The following ATXN7 variants were observed in gnomAD, a reference collection of about 807,000 sequenced individuals.
ATXN7 encodes ataxin-7.
ATXN7 carries 12 observed loss-of-function variants against 70.5 expected under a neutral mutation model. The observed-to-expected ratio is 0.17, with a 90% CI of 0.11 to 0.28. The LOEUF is 0.28. Ranked by LOEUF, ATXN7 falls within the 10% of genes least tolerant of loss-of-function variation. ATXN7 has a pLI of 1.00. For missense variants in ATXN7, 1,256 were observed against 1,131.7 expected, an observed-to-expected ratio of 1.11 and a Z score of -1.58; for synonymous variants, 498 against 448.7, an observed-to-expected ratio of 1.11 and a Z score of -1.39.
intron 4 of ATXN7, among the ~76,000 whole-genome samples, chr3:63,936,433 A>G (rs550405198): frequency 2.0e-4 from 30 of 152,298 alleles, no homozygotes; most frequent in Non-Finnish European, 3.7e-4. Flanking sequence ...AGCCAACTGA[A>G]TGCTCCCTTA....
At chr3:63,933,973 G>A (rs1479458166) in intron 4 of ATXN7, among the ~76,000 whole-genome samples, 3 of 151,738 alleles carry the variant, frequency 2.0e-5, no homozygotes, top group Admixed American at 1.3e-4. Flanking sequence ...ATATGACCCT[G>A]GGTTTTCCAA....
chr3:63,995,975 C>A lies in ATXN7; in HGVS notation c.2153C>A (p.Ser718Tyr). 1.2e-6 allele frequency: 2 copies of A among 1,613,550 alleles called. No homozygotes were observed. Among genetic ancestry groups the A allele is most frequent in the Non-Finnish European group, 1.7e-6 (2 of 1,179,628 alleles). ...AGTTCCCCACTGTTGGTTCACTCTTCCTCCTCCTCTTCCTCCTCCTCCTCT... is the reference window on the plus strand; with the variant it reads ...AGTTCCCCACTGTTGGTTCACTCTTACTCCTCCTCTTCCTCCTCCTCCTCT... Reference protein sequence around the residue: ...KNSSPLLVHSSSSSSSSSSSS... With the variant: ...KNSSPLLVHSYSSSSSSSSSS... The change falls in exon 12 of 13, where the codon TCC becomes TAC. Residue 718 changes from serine (S) to tyrosine (Y), a missense_variant. Coordinates refer to ENST00000674280, the MANE Select transcript of ATXN7 (RefSeq NM_001377405.1).
rs1479543715 is a variant in ATXN7, at chr3:63,980,180, A to G, written c.752+13A>G. On this transcript the variant is annotated intron_variant, in intron 6 of 12. Coordinates refer to ENST00000674280, the MANE Select transcript of ATXN7 (RefSeq NM_001377405.1). ...CCCATGGTAGAATGTGAGTATGGCC[A>G]AGAGGGTTTTTAAAGCTTACCTGCT... is the stretch of plus-strand genomic sequence containing the variant. 8 of 1,613,692 alleles carry G rather than the reference A, an allele frequency of 5.0e-6. No individual in the cohort carries two copies. Among genetic ancestry groups the G allele is most frequent in the African/African-American group, 1.3e-5 (1 of 74,896 alleles).
chr3:64,002,188 ATATCC>A lies in ATXN7; in HGVS notation c.*2723_*2727del, dbSNP rs774401009. Reference sequence around the variant, plus strand: ...ATTTTTGCACAGGTCTTTTTTTCTGATATCCTGTTTTGGTACAATTGAGATCATCT... The same window carrying A: ...ATTTTTGCACAGGTCTTTTTTTCTGATGTTTTGGTACAATTGAGATCATCT... On this transcript the variant is annotated 3_prime_UTR_variant, in exon 13 of 13. Coordinates refer to ENST00000674280, the MANE Select transcript of ATXN7 (RefSeq NM_001377405.1). 10 of 152,344 alleles carry A rather than the reference ATATCC, an allele frequency of 6.6e-5. No homozygotes were observed. Among genetic ancestry groups the A allele is most frequent in the African/African-American group, 1.2e-4 (5 of 41,354 alleles). 9.4% of individuals were successfully genotyped at this position (152,344 alleles called of 1,614,324 possible).
In ATXN7 at chr3:64,002,662, T is replaced by C. The variant is rs1032753464; in HGVS notation, c.*3195T>C. The C allele has an allele frequency of 7.2e-5, 11 of 152,200 alleles. No homozygotes were observed. Among genetic ancestry groups the C allele is most frequent in the African/African-American group, 1.4e-4 (6 of 41,448 alleles). 9.4% of individuals were successfully genotyped at this position (152,200 alleles called of 1,614,324 possible). On this transcript the variant is annotated 3_prime_UTR_variant, in exon 13 of 13. Transcript: ENST00000674280. ...AATGTTCAGTTGAACTTTTGGAGTT[T>C]GCTTTTTCCACCTAAATATTGTTTC... is the stretch of plus-strand genomic sequence containing the variant.
At chr3:63,915,965 G>A (rs1367650217) in intron 4 of ATXN7, among the ~76,000 whole-genome samples, 1 of 152,082 alleles carries the variant, frequency 6.6e-6, no homozygotes. Context: ...GGGATTACAG[G>A]CATGAACCAC....
chr3:63,915,389 T>C (rs899549469), intron 4 of ATXN7, among the ~76,000 whole-genome samples: 9 of 152,242 alleles, frequency 5.9e-5, no homozygotes, highest in Admixed American at 1.3e-4. Context: ...TTTGTGACTT[T>C]GCGGATTATG....
intron 4 of ATXN7, among the ~76,000 whole-genome samples, chr3:63,921,728 G>A (rs1437174683): frequency 6.6e-6 from 1 of 152,208 alleles, no homozygotes; most frequent in Non-Finnish European, 1.5e-5. Context: ...CTAAGATCTA[G>A]TAGGTGAGCA....
chr3:63,983,172 G>T, intron 8 of ATXN7, 151 bp downstream of exon 8: 1 of 655,942 alleles, frequency 1.5e-6, no homozygotes, highest in Non-Finnish European at 2.7e-6. Context: ...TGGTTCTGTT[G>T]AAGAAAGCCT....
chr3:63,982,402 A>G lies in ATXN7; in HGVS notation c.969A>G (p.Glu323=). Residue 323 remains glutamate (E), a synonymous_variant, in exon 7 of 13, where the codon GAA becomes GAG. Transcript: ENST00000674280. ...PAPPTLEKKP[E]DNSNNRKFLN... Reference sequence around the variant, plus strand: ...CGCCCACTCTGGAAAAGAAACCTGAAGACAATTCCAATAATAGGAAATTTT... The same window carrying G: ...CGCCCACTCTGGAAAAGAAACCTGAGGACAATTCCAATAATAGGAAATTTT... 2 of 1,612,996 alleles carry G rather than the reference A, an allele frequency of 1.2e-6. No individual in the cohort carries two copies. Among genetic ancestry groups the G allele is most frequent in the Non-Finnish European group, 8.5e-7 (1 of 1,179,044 alleles).
intron 9 of ATXN7, among the ~76,000 whole-genome samples, chr3:63,988,807 T>C (rs1305496054): frequency 2.0e-5 from 3 of 152,240 alleles, no homozygotes; most frequent in East Asian, 3.9e-4. Context: ...AGCACTTTAG[T>C]AGCAGAGTAA....
At chr3:63,960,553 A>G (rs772148907) in intron 5 of ATXN7, among the ~76,000 whole-genome samples, 28 of 152,292 alleles carry the variant, frequency 1.8e-4, no homozygotes, top group Non-Finnish European at 2.6e-4. Context: ...CAGCAGGGGC[A>G]GAGAAGTGTG....
intron 2 of ATXN7, among the ~76,000 whole-genome samples, chr3:63,909,341 G>C (rs1703938886): frequency 6.6e-6 from 1 of 152,176 alleles, no homozygotes. Context: ...CAAGGCAGGA[G>C]GACTGCTTGG....
chr3:63,980,286 A>G (rs562250140), intron 6 of ATXN7, 119 bp downstream of exon 6: 1 of 1,347,578 alleles, frequency 7.4e-7, no homozygotes, highest in African/African-American at 1.5e-5. Context: ...GGAAGAATTC[A>G]AATGTATGTT....
rs775182711 is a variant in ATXN7, at chr3:63,988,268, C to T, written c.1305C>T (p.Ser435=). 26 of 1,613,920 alleles carry T rather than the reference C, an allele frequency of 1.6e-5. No homozygotes were observed. Among genetic ancestry groups the T allele is most frequent in the South Asian group, 4.4e-5 (4 of 91,062 alleles). The change falls in exon 9 of 13, where the codon TCC becomes TCT. Residue 435 remains serine (S), a synonymous_variant. Coordinates refer to ENST00000674280, the MANE Select transcript of ATXN7 (RefSeq NM_001377405.1). Reference sequence around the variant, plus strand: ...AAAACCCTCACGGAGTGATTCCTTCCGAATCAAAGCCTTTTGTAGCTAGTA... The same window carrying T: ...AAAACCCTCACGGAGTGATTCCTTCTGAATCAAAGCCTTTTGTAGCTAGTA... ...PHQNPHGVIP[S]ESKPFVASKP...
intron 4 of ATXN7, among the ~76,000 whole-genome samples, chr3:63,943,749 C>T (rs971394390): frequency 1.3e-5 from 2 of 152,194 alleles, no homozygotes; most frequent in African/African-American, 4.8e-5. Context: ...ACTACAGACT[C>T]ATCTTTGGAT....
chr3:63,977,598 T>TA (rs2075409837), intron 5 of ATXN7, among the ~76,000 whole-genome samples: 1 of 152,236 alleles, frequency 6.6e-6, no homozygotes, highest in South Asian at 2.1e-4. Context: ...TCACAGATAC[T>TA]ATTGTTTTGG....
At chr3:63,865,684 G>A (rs371400789) in intron 1 of ATXN7, among the ~76,000 whole-genome samples, 1 of 151,734 alleles carries the variant, frequency 6.6e-6, no homozygotes. Flanking sequence ...GAGGTCAAGA[G>A]ATCGAGACCA....
intron 1 of ATXN7, among the ~76,000 whole-genome samples, chr3:63,891,309 C>G (rs77833045): frequency 6.7e-6 from 1 of 149,516 alleles, no homozygotes; most frequent in Non-Finnish European, 1.5e-5. Flanking sequence ...AGCGACTGCA[C>G]CTGGCCCCAG....
Sources: gnomAD v4.1 joint callset for allele counts (sites outside exome capture counted in the v4.1 genomes callset) on GRCh38, gnomAD v4.1.1 for gene constraint, MANE v1.5 for transcripts, NCBI Gene and HGNC (gene_info 2026-07-23, HGNC 2026-07-21) for gene names.